Variants in HECW2 observed in about 807,000 individuals in gnomAD.
The protein encoded by HECW2 is E3 ubiquitin-protein ligase HECW2.
In HECW2, 61 loss-of-function variants were observed where a neutral mutation model predicts 175.2. The observed-to-expected ratio is 0.35, with a 90% CI of 0.28 to 0.43. The LOEUF is 0.43. HECW2 is among the 20% of genes least tolerant of loss of function. The probability of loss-of-function intolerance (pLI) is 1.00; values close to 1 mark genes in which losing one functional copy is unlikely to be tolerated. For missense variants in HECW2, 1,524 were observed against 2,000.5 expected (o/e 0.76, Z 4.54); for synonymous variants, 671 against 731.0 (o/e 0.92, Z 1.32).
chr2:196,322,582 T>G lies in HECW2; in HGVS notation c.780A>C (p.Glu260Asp), dbSNP rs769356846. The G allele has an allele frequency of 1.2e-6, 2 of 1,613,504 alleles. No homozygotes were observed. Among genetic ancestry groups the G allele is most frequent in the South Asian group, 1.1e-5 (1 of 91,062 alleles). ...SFFALLTDVL[E>D]IEIKDKFAKS... is the part of the protein sequence containing the mutation. ...TGGCAAATTTGTCTTTAATTTCAAT[T>G]TCTAAGACATCAGTAAGAAGTGCAA... The change falls in exon 7 of 29, where the codon GAA (glutamate) becomes GAC (aspartate). Residue 260 changes from glutamate to aspartate, a missense_variant. Around this residue, in one of 11 missense-constraint regions of HECW2, gnomAD observed 95 missense variants for 136.8 expected, o/e 0.69. Coordinates refer to ENST00000644978, the MANE Select transcript of HECW2 (RefSeq NM_001348768.2).
intron 2 of HECW2, among the ~76,000 whole-genome samples, chr2:196,387,612 T>C (rs536774430): frequency 2.0e-5 from 3 of 152,268 alleles, no homozygotes; most frequent in East Asian, 3.9e-4. Flanking sequence ...GTGGATTATT[T>C]TGAACAAAAA....
intron 1 of HECW2, among the ~76,000 whole-genome samples, chr2:196,486,692 T>C (rs190083720): frequency 6.6e-6 from 1 of 152,264 alleles, no homozygotes; most frequent in East Asian, 1.9e-4. Context: ...GTTTAATGAA[T>C]AGAATGATAT....
chr2:196,396,844 T>G (rs10175062), intron 2 of HECW2, among the ~76,000 whole-genome samples: 151,767 of 151,844 alleles, frequency 1, 75,845 homozygotes, highest in East Asian at 1. Flanking sequence ...GGGTGTGGTG[T>G]CTCACACCTG....
chr2:196,221,090 C>T, intron 24 of HECW2, 149 bp from the exon 25 acceptor site: 2 of 724,028 alleles, frequency 2.8e-6, no homozygotes, highest in South Asian at 3.6e-5. Flanking sequence ...CCCAGGCACT[C>T]ACGGAGCACA....
At chr2:196,485,228 G>A (rs1354006759) in intron 1 of HECW2, among the ~76,000 whole-genome samples, 3 of 152,104 alleles carry the variant, frequency 2.0e-5, no homozygotes, top group Non-Finnish European at 4.4e-5. Context: ...CTGAAGTGGG[G>A]GTCTCCAGAA....
chr2:196,473,973 T>C (rs1332354916), intron 1 of HECW2, among the ~76,000 whole-genome samples: 1 of 152,196 alleles, frequency 6.6e-6, no homozygotes, highest in Non-Finnish European at 1.5e-5. Flanking sequence ...CAGCGAGAAT[T>C]TTTCTAGAAC....
chr2:196,319,973 G>T lies in HECW2; in HGVS notation c.986-69C>A, dbSNP rs1369884751. The T allele has an allele frequency of 2.8e-6, 4 of 1,424,850 alleles. No individual in the cohort carries two copies. In the African/African-American group the frequency reaches 4.3e-5, roughly 15 times the overall value. 88.3% of individuals were successfully genotyped at this position (1,424,850 alleles called of 1,614,324 possible). On this transcript the variant is annotated intron_variant, in intron 8 of 28. Coordinates refer to ENST00000644978, the MANE Select transcript of HECW2 (RefSeq NM_001348768.2). ...TAAGTGAACGTTTTATGACTTATTT[G>T]CTTTGCCACCAATAAGTTCAAAGAA... is the stretch of plus-strand genomic sequence containing the variant.
intron 3 of HECW2, among the ~76,000 whole-genome samples, chr2:196,341,055 C>A (rs1200994948): frequency 6.6e-6 from 1 of 152,132 alleles, no homozygotes; most frequent in Non-Finnish European, 1.5e-5. Context: ...TTAACTATAG[C>A]CTAATCAGCC....
intron 2 of HECW2, among the ~76,000 whole-genome samples, chr2:196,356,734 A>G (rs1207648654): frequency 6.6e-6 from 1 of 152,052 alleles, no homozygotes; most frequent in Non-Finnish European, 1.5e-5. Flanking sequence ...CATTCACCTA[A>G]CTTTTGTTAT....
chr2:196,362,223 C>T (rs1180535996), intron 2 of HECW2: 2 of 984,846 alleles, frequency 2.0e-6, no homozygotes, highest in Non-Finnish European at 2.4e-6. Context: ...CGTGGCCACA[C>T]CCCTGTAAAG....
At chr2:196,340,372 G>A (rs1026343970) in intron 3 of HECW2, among the ~76,000 whole-genome samples, 1 of 151,988 alleles carries the variant, frequency 6.6e-6, no homozygotes, top group Non-Finnish European at 1.5e-5. Context: ...CAAGGTGGGT[G>A]GATCACTGGA....
chr2:196,451,368 G>A (rs528211468), intron 1 of HECW2, among the ~76,000 whole-genome samples: 1 of 150,746 alleles, frequency 6.6e-6, no homozygotes, highest in African/African-American at 2.4e-5. Context: ...GGGAAGCGGA[G>A]GTTGCAGTGA....
intron 12 of HECW2, 98 bp from the exon 13 acceptor site, chr2:196,306,710 A>G: frequency 8.3e-7 from 1 of 1,207,580 alleles, no homozygotes. Context: ...ATCATAGGAT[A>G]CCTACATCAT....
At position 196,318,776 on chromosome 2, in the gene HECW2, C is replaced by A; in HGVS notation, c.2114G>T (p.Gly705Val). Reference sequence around the variant, plus strand: ...GGGCACCTGTACCACAGGTAAAGAACCAGCAGTGCACACGGATTCCTGCGA... The same window carrying A: ...GGGCACCTGTACCACAGGTAAAGAAACAGCAGTGCACACGGATTCCTGCGA... ...EGSQESVCTAGSLPVVQVPSG... is the reference protein window; with the variant it reads ...EGSQESVCTAVSLPVVQVPSG... Residue 705 changes from glycine to valine, a missense_variant, in exon 9 of 29, where the codon GGT (glycine) becomes GTT (valine). Gly to Val is a moderately radical substitution (Grantham distance 109, BLOSUM62 -3). Transcript: ENST00000644978. 1 of 1,526,556 alleles carries A rather than the reference C, an allele frequency of 6.6e-7. No individual in the cohort carries two copies. The highest frequency in any genetic ancestry group is 8.8e-7 in the Non-Finnish European group (1 of 1,135,858). The allele number at this position is 1,526,556 out of a possible 1,614,324, so 94.6% of individuals were successfully genotyped here.
At chr2:196,338,597 C>T (rs1692637661) in intron 3 of HECW2, among the ~76,000 whole-genome samples, 1 of 152,210 alleles carries the variant, frequency 6.6e-6, no homozygotes, top group African/African-American at 2.4e-5. Flanking sequence ...ACTAGGATCT[C>T]ATCCATCATC....
intron 2 of HECW2, among the ~76,000 whole-genome samples, chr2:196,385,280 T>C (rs1694315591): frequency 6.6e-6 from 1 of 152,138 alleles, no homozygotes; most frequent in Admixed American, 6.6e-5. Context: ...AGTAAAAGCC[T>C]TCCCCATCTT....
chr2:196,579,313 A>G (rs778333913), intron 1 of HECW2, among the ~76,000 whole-genome samples: 1 of 152,144 alleles, frequency 6.6e-6, no homozygotes, highest in Non-Finnish European at 1.5e-5. Context: ...TATATTTAAC[A>G]CAAGATAAGA....
At chr2:196,306,432 G>T (rs566799994) in intron 13 of HECW2, 56 bp downstream of exon 13, 1 of 1,511,970 alleles carries the variant, frequency 6.6e-7, no homozygotes. Context: ...CAGAAACAAC[G>T]ATCATTTGCT....
intron 1 of HECW2, among the ~76,000 whole-genome samples, chr2:196,482,305 C>G (rs1363196386): frequency 6.6e-6 from 1 of 152,220 alleles, no homozygotes; most frequent in South Asian, 2.1e-4. Flanking sequence ...ACGGTGCCAA[C>G]CCAGAGGTGG....
Sources: allele counts gnomAD v4.1 joint callset (sites outside exome capture counted in the v4.1 genomes callset), GRCh38; gene constraint gnomAD v4.1.1; regional missense constraint gnomAD v4.1.1; transcripts MANE v1.5; gene names NCBI Gene and HGNC (gene_info 2026-07-23, HGNC 2026-07-21).